STARD13: variants seen among roughly 807,000 people sequenced by gnomAD.
The protein encoded by STARD13 is StAR related lipid transfer domain containing 13.
STARD13 carries 62 observed loss-of-function variants against 106.4 expected under a neutral mutation model. The ratio of observed to expected loss-of-function variants is 0.58; its 90% CI spans 0.48 to 0.72. The LOEUF (loss-of-function observed/expected upper bound fraction) is 0.72. Ranked by LOEUF, STARD13 falls within the 30% of genes least tolerant of loss-of-function variation. The pLI, the probability that STARD13 is intolerant of heterozygous loss-of-function variation, is 0.00. For synonymous variants in STARD13, 565 were observed against 553.0 expected (o/e 1.02, Z -0.31); for missense variants, 1,387 against 1,424.0 (o/e 0.97, Z 0.42).
the STARD13 span, among the ~76,000 whole-genome samples, chr13:33,372,440 G>T: frequency 6.6e-6 from 1 of 151,486 alleles, no homozygotes; most frequent in South Asian, 2.1e-4. Flanking sequence ...TGTCTTTGAA[G>T]TTGTTTCATA....
At chr13:33,515,139 C>T in the STARD13 span, among the ~76,000 whole-genome samples, 2 of 152,140 alleles carry the variant, frequency 1.3e-5, no homozygotes, top group African/African-American at 4.8e-5. Flanking sequence ...GCTTCAGTTC[C>T]TGTATCAAAA....
chr13:33,245,665 A>C (rs1483728685), intron 1 of STARD13, among the ~76,000 whole-genome samples: 2 of 152,238 alleles, frequency 1.3e-5, no homozygotes, highest in Non-Finnish European at 2.9e-5. Context: ...ATTGATTCTG[A>C]AATGGAGCCA....
chr13:33,464,502 C>G, the STARD13 span, among the ~76,000 whole-genome samples: 2 of 152,124 alleles, frequency 1.3e-5, no homozygotes, highest in Admixed American at 1.3e-4. Context: ...GAGCCCTGCA[C>G]TGATCCTATG....
chr13:33,638,020 G>T, the STARD13 span, among the ~76,000 whole-genome samples: 8 of 152,238 alleles, frequency 5.3e-5, no homozygotes, highest in South Asian at 1.5e-3. Flanking sequence ...ATTTGCTTCA[G>T]TCATAGTACC....
chr13:33,180,499 C>T (rs1885129210), intron 1 of STARD13: 1 of 152,220 alleles, frequency 6.6e-6, no homozygotes, highest in Admixed American at 6.5e-5. Flanking sequence ...GATTATTTTT[C>T]CATGTTATGA....
At chr13:33,196,952 A>G (rs1383297761) in intron 1 of STARD13, among the ~76,000 whole-genome samples, 4 of 152,238 alleles carry the variant, frequency 2.6e-5, no homozygotes, top group Non-Finnish European at 5.9e-5. Context: ...GACTTGAGAT[A>G]TTAATGACAG....
rs1258580115 is a variant in STARD13 at position 33,111,843 on chromosome 13, T to G, written c.2542A>C (p.Asn848His). Residue 848 changes from asparagine to histidine, a missense_variant, in exon 10 of 14, where the codon AAC (asparagine) becomes CAC (histidine). By Grantham distance (68) the Asn-to-His change is moderately conservative. Transcript: ENST00000336934. The part of the protein sequence containing the change: ...ATGKPDQKDL[N>H]ENLAAAQGLA... ...CCCTGAGCTGCTGCCAGATTCTCGT[T>G]GAGGTCCTTTTGATCTGGCTTCCCA... 6.2e-7 allele frequency: 1 copy of G among 1,614,186 alleles called. No individual in the cohort carries two copies. Among genetic ancestry groups the G allele is most frequent in the South Asian group, 1.1e-5 (1 of 91,082 alleles).
At chr13:33,395,234 A>G in the STARD13 span, among the ~76,000 whole-genome samples, 1 of 152,194 alleles carries the variant, frequency 6.6e-6, no homozygotes, top group Non-Finnish European at 1.5e-5. Context: ...TAAAATCTCT[A>G]TTAATTTTCT....
intron 3 of STARD13, among the ~76,000 whole-genome samples, chr13:33,149,682 C>T (rs1881010666): frequency 6.6e-6 from 1 of 152,170 alleles, no homozygotes. Context: ...TGTGATTTAG[C>T]TTACACAAGG....
At chr13:33,195,851 G>A (rs1476829292) in intron 1 of STARD13, among the ~76,000 whole-genome samples, 1 of 152,108 alleles carries the variant, frequency 6.6e-6, no homozygotes, top group Non-Finnish European at 1.5e-5. Context: ...TTTTTCATCT[G>A]TAAAATGGAG....
intron 1 of STARD13, among the ~76,000 whole-genome samples, chr13:33,222,644 C>T (rs763778768): frequency 1.3e-5 from 2 of 152,186 alleles, no homozygotes; most frequent in African/African-American, 2.4e-5. Context: ...TCCTACGACA[C>T]ACATCATGTC....
At chr13:33,178,863 T>C (rs1411011507) in intron 1 of STARD13, among the ~76,000 whole-genome samples, 1 of 152,240 alleles carries the variant, frequency 6.6e-6, no homozygotes, top group Non-Finnish European at 1.5e-5. Flanking sequence ...TCTCCACATC[T>C]TGTTTTAATG....
At position 33,103,798 on chromosome 13, in the gene STARD13, G is replaced by A. The variant is rs1000211024; in HGVS notation, c.*1795C>T. 2.0e-5 allele frequency: 3 copies of A among 152,232 alleles called. No individual in the cohort carries two copies. Among genetic ancestry groups the A allele is most frequent in the African/African-American group, 7.2e-5 (3 of 41,454 alleles). 9.4% of individuals were successfully genotyped at this position (152,232 alleles called of 1,614,324 possible). On this transcript the variant is annotated 3_prime_UTR_variant, in exon 14 of 14. Coordinates refer to ENST00000336934, the MANE Select transcript of STARD13 (RefSeq NM_178006.4). ...TAGATTAAACTTCACTGGTGATCTT[G>A]TTGATGCATATAAAGTAATCTGGCA...
chr13:33,580,178 T>C, the STARD13 span, among the ~76,000 whole-genome samples: 1,096 of 152,146 alleles, frequency 7.2e-3, 19 homozygotes, highest in Non-Finnish European at 9.8e-3. Context: ...CTTCAGTAGG[T>C]GAATTAATAA....
the STARD13 span, among the ~76,000 whole-genome samples, chr13:33,445,065 T>C: frequency 6.6e-6 from 1 of 151,728 alleles, no homozygotes; most frequent in Middle Eastern, 3.2e-3. Context: ...ATTCAGATAA[T>C]TTTTTTTGGG....
At chr13:33,364,498 G>A in the STARD13 span, among the ~76,000 whole-genome samples, 1 of 152,172 alleles carries the variant, frequency 6.6e-6, no homozygotes, top group Non-Finnish European at 1.5e-5. Context: ...GTCTGAATGG[G>A]AAAACAATAT....
the STARD13 span, among the ~76,000 whole-genome samples, chr13:33,673,960 A>C: frequency 6.6e-6 from 1 of 151,550 alleles, no homozygotes; most frequent in Non-Finnish European, 1.5e-5. Context: ...TCCTGGGTTC[A>C]AGCAGTTCTC....
the STARD13 span, chr13:33,359,483 C>A: frequency 1.1e-5 from 2 of 179,020 alleles, no homozygotes; most frequent in East Asian, 3.4e-4. Flanking sequence ...TCCACGGCTT[C>A]ATTCTTGAAG....
chr13:33,525,957 G>A, the STARD13 span, among the ~76,000 whole-genome samples: 1 of 152,140 alleles, frequency 6.6e-6, no homozygotes, highest in Non-Finnish European at 1.5e-5. Context: ...GTGCCTGGCA[G>A]ATTTGGCATC....
Sources: gnomAD v4.1 joint callset for allele counts (sites outside exome capture counted in the v4.1 genomes callset) on GRCh38, gnomAD v4.1.1 for gene constraint, MANE v1.5 for transcripts, NCBI Gene and HGNC (gene_info 2026-07-23, HGNC 2026-07-21) for gene names.